SCHIP1: variants seen among roughly 807,000 people sequenced by gnomAD.
SCHIP1 encodes schwannomin interacting protein 1, also known as schwannomin-interacting protein 1.
Under a neutral mutation model 29.7 loss-of-function variants are expected in SCHIP1, and 8 were observed. The ratio of observed to expected loss-of-function variants is 0.27; its 90% CI spans 0.16 to 0.49. SCHIP1 has a LOEUF of 0.49. SCHIP1 is among the 20% of genes least tolerant of loss of function. The pLI, the probability that SCHIP1 is intolerant of heterozygous loss-of-function variation, is 0.99. For synonymous variants in SCHIP1, 76 were observed against 94.9 expected, an observed-to-expected ratio of 0.80 and a Z score of 1.16; for missense variants, 193 against 294.6, an observed-to-expected ratio of 0.66 and a Z score of 2.52.
the SCHIP1 span, among the ~76,000 whole-genome samples, chr3:159,741,139 CA>C: frequency 1.3e-5 from 2 of 152,176 alleles, no homozygotes; most frequent in Non-Finnish European, 2.9e-5. Flanking sequence ...GAGTACCAGA[CA>C]CTCATTAGAT....
At chr3:159,654,057 T>C in the SCHIP1 span, among the ~76,000 whole-genome samples, 1 of 152,218 alleles carries the variant, frequency 6.6e-6, no homozygotes, top group South Asian at 2.1e-4. Context: ...CTGCTTTTTA[T>C]CTTTTTAAAT....
At chr3:159,581,581 A>G in the SCHIP1 span, among the ~76,000 whole-genome samples, 3 of 152,164 alleles carry the variant, frequency 2.0e-5, no homozygotes, top group African/African-American at 4.8e-5. Flanking sequence ...CTCCCCCATG[A>G]TATCAGAGGA....
At chr3:159,340,357 TTA>T in the SCHIP1 span, among the ~76,000 whole-genome samples, 12 of 149,400 alleles carry the variant, frequency 8.0e-5, no homozygotes, top group South Asian at 2.1e-3. Context: ...AAAAATAATT[TTA>T]TCTCTAATAA....
At chr3:159,546,757 CT>C in the SCHIP1 span, among the ~76,000 whole-genome samples, 2 of 152,080 alleles carry the variant, frequency 1.3e-5, no homozygotes, top group African/African-American at 2.4e-5. Context: ...TGAACTCATT[CT>C]TTTTTTGGCT....
At chr3:159,506,776 T>A in the SCHIP1 span, among the ~76,000 whole-genome samples, 1 of 152,178 alleles carries the variant, frequency 6.6e-6, no homozygotes, top group African/African-American at 2.4e-5. Flanking sequence ...CAGATAGTTG[T>A]AGACGTGTGG....
the SCHIP1 span, among the ~76,000 whole-genome samples, chr3:159,486,834 C>A: frequency 1.3e-5 from 2 of 152,250 alleles, no homozygotes; most frequent in South Asian, 2.1e-4. Flanking sequence ...GCTGTGCAAA[C>A]ACATTCCATA....
the SCHIP1 span, among the ~76,000 whole-genome samples, chr3:159,574,123 A>G: frequency 6.6e-6 from 1 of 152,254 alleles, no homozygotes; most frequent in Non-Finnish European, 1.5e-5. Context: ...CAACTTGTCA[A>G]AGTCATTCTC....
chr3:159,469,970 C>T, the SCHIP1 span, among the ~76,000 whole-genome samples: 31 of 151,956 alleles, frequency 2.0e-4, no homozygotes, highest in Non-Finnish European at 2.9e-5. Context: ...ATGTTTCATT[C>T]TAGTAATGCA....
At chr3:159,563,615 GC>G in the SCHIP1 span, among the ~76,000 whole-genome samples, 1 of 152,112 alleles carries the variant, frequency 6.6e-6, no homozygotes, top group East Asian at 1.9e-4. Context: ...GATCATGTGA[GC>G]CCCAGAGTTC....
chr3:159,745,777 T>A, the SCHIP1 span, among the ~76,000 whole-genome samples: 1 of 152,220 alleles, frequency 6.6e-6, no homozygotes, highest in South Asian at 2.1e-4. Context: ...ATCATCCTAT[T>A]TTATCCTCTT....
At chr3:159,524,257 C>T in the SCHIP1 span, among the ~76,000 whole-genome samples, 36 of 152,350 alleles carry the variant, frequency 2.4e-4, no homozygotes, top group South Asian at 3.1e-3. Context: ...GGACAAAAGA[C>T]TGGTTTCACA....
At chr3:159,674,971 T>C in the SCHIP1 span, among the ~76,000 whole-genome samples, 4 of 152,176 alleles carry the variant, frequency 2.6e-5, no homozygotes, top group Non-Finnish European at 4.4e-5. Flanking sequence ...AAGGCTGCCA[T>C]TGATGTACAC....
chr3:159,838,421 T>C (rs1357929437), upstream of SCHIP1, among the ~76,000 whole-genome samples: 2 of 152,202 alleles, frequency 1.3e-5, no homozygotes, highest in Non-Finnish European at 2.9e-5. Flanking sequence ...ACAGTGAAAC[T>C]GCGTGGTTAA....
the SCHIP1 span, chr3:159,764,679 G>A: frequency 2.6e-4 from 411 of 1,584,738 alleles, 4 homozygotes; most frequent in South Asian, 4.5e-3. This position sits in a 1 kb window ranked among gnomAD's most constrained non-coding sequence, Gnocchi z 6.1. Context: ...ACGGGGAGGA[G>A]GAGGAAGAGG....
chr3:159,530,380 C>G, the SCHIP1 span, among the ~76,000 whole-genome samples: 1 of 152,178 alleles, frequency 6.6e-6, no homozygotes. Context: ...GCTGAAAGAG[C>G]TCTTGCTTGC....
chr3:159,522,956 A>G, the SCHIP1 span, among the ~76,000 whole-genome samples: 25 of 152,186 alleles, frequency 1.6e-4, no homozygotes, highest in Non-Finnish European at 2.8e-4. Flanking sequence ...TTTATTTATC[A>G]AAGAGAATTT....
the SCHIP1 span, among the ~76,000 whole-genome samples, chr3:159,400,206 G>A: frequency 2.0e-5 from 3 of 152,190 alleles, no homozygotes; most frequent in Non-Finnish European, 2.9e-5. Context: ...CATGAATTAG[G>A]TAACAATACA....
At chr3:159,534,667 G>T in the SCHIP1 span, among the ~76,000 whole-genome samples, 6 of 152,060 alleles carry the variant, frequency 3.9e-5, no homozygotes, top group Non-Finnish European at 8.8e-5. Context: ...CCACTGACCA[G>T]AATTCAGAAA....
At chr3:159,780,613 T>C in the SCHIP1 span, among the ~76,000 whole-genome samples, 13 of 152,232 alleles carry the variant, frequency 8.5e-5, no homozygotes, top group Non-Finnish European at 1.3e-4. Flanking sequence ...GTGTCATAAA[T>C]GTAACATGCC....
Sources: gnomAD v4.1 joint callset for allele counts (sites outside exome capture counted in the v4.1 genomes callset) on GRCh38, gnomAD v4.1.1 for gene constraint, Gnocchi (gnomAD v3.1) non-coding constraint, MANE v1.5 for transcripts, NCBI Gene and HGNC (gene_info 2026-07-23, HGNC 2026-07-21) for gene names.